CARMIL1: variants seen among roughly 807,000 people sequenced by gnomAD.
CARMIL1 encodes the protein capping protein regulator and myosin 1 linker 1.
CARMIL1 carries 90 observed loss-of-function variants against 177.1 expected under a neutral mutation model. The ratio of observed to expected loss-of-function variants is 0.51; its 90% CI spans 0.43 to 0.61. The LOEUF (loss-of-function observed/expected upper bound fraction) is 0.61. Ranked by LOEUF, CARMIL1 falls within the 20% of genes least tolerant of loss-of-function variation. The probability of loss-of-function intolerance (pLI) is 0.00; values close to 1 mark genes in which losing one functional copy is unlikely to be tolerated. For synonymous variants in CARMIL1, 577 were observed against 606.2 expected (o/e 0.95, Z 0.71); for missense variants, 1,380 against 1,667.0 (o/e 0.83, Z 3.00).
chr6:25,533,043 AAG>A (rs1403739475), intron 24 of CARMIL1, among the ~76,000 whole-genome samples: 4 of 152,270 alleles, frequency 2.6e-5, no homozygotes, highest in African/African-American at 9.6e-5. Context: ...GAAGGAGGGA[AAG>A]AGAGAGAGAA....
chr6:25,299,387 G>C (rs1782676665), intron 2 of CARMIL1, among the ~76,000 whole-genome samples: 1 of 151,090 alleles, frequency 6.6e-6, no homozygotes, highest in Admixed American at 6.6e-5. Context: ...GGCCAGGCTG[G>C]TCTCAAAGTC....
At chr6:25,393,896 A>G (rs1004141077) in intron 2 of CARMIL1, among the ~76,000 whole-genome samples, 1 of 152,108 alleles carries the variant, frequency 6.6e-6, no homozygotes, top group Non-Finnish European at 1.5e-5. Flanking sequence ...TGTTGTTGCT[A>G]TTGTTATTGA....
chr6:25,605,299 G>A (rs1053128564), intron 34 of CARMIL1, among the ~76,000 whole-genome samples: 7 of 152,256 alleles, frequency 4.6e-5, no homozygotes, highest in Admixed American at 1.3e-4. Flanking sequence ...AATATGCTTC[G>A]CTTGCAGCTT....
At position 25,279,609 on chromosome 6, in the gene CARMIL1, CTCTT is replaced by C. The variant is rs1780907732; in HGVS notation, c.-185_-182del. The C allele has an allele frequency of 1.7e-6, 1 of 571,746 alleles. No individual in the cohort carries two copies. The highest frequency in any genetic ancestry group is 3.0e-5 in the East Asian group (1 of 33,736). 35.4% of individuals were successfully genotyped at this position (571,746 alleles called of 1,614,324 possible). A position where few individuals can be genotyped will look rare whatever the true frequency, so the allele number is the denominator to read the frequency against. ...CAGCAAATCCGCCTCGCATTTGCAA[CTCTT>C]TTTTTTTTTTTTGGTGGGGCGGGGG... On this transcript the variant is annotated 5_prime_UTR_variant, in exon 1 of 37. Transcript: ENST00000329474.
At chr6:25,539,849 C>T (rs1488215769) in intron 25 of CARMIL1, 98 bp from the exon 26 acceptor site, 9 of 913,622 alleles carry the variant, frequency 9.9e-6, no homozygotes, top group African/African-American at 6.9e-5. Context: ...AGAGATTATC[C>T]CTAACAGTAT....
At chr6:25,425,504 G>GT (rs1366563791) in intron 3 of CARMIL1, among the ~76,000 whole-genome samples, 1 of 151,998 alleles carries the variant, frequency 6.6e-6, no homozygotes, top group Non-Finnish European at 1.5e-5. Flanking sequence ...TTCTGGATGT[G>GT]TTTTTTTATC....
At chr6:25,311,010 A>G (rs940015872) in intron 2 of CARMIL1, among the ~76,000 whole-genome samples, 2 of 148,506 alleles carry the variant, frequency 1.3e-5, no homozygotes, top group African/African-American at 2.6e-5. Flanking sequence ...GTGAAATTCC[A>G]TCTCTACTAA....
chr6:25,405,808 T>C (rs79794948), intron 2 of CARMIL1, among the ~76,000 whole-genome samples: 7,886 of 152,268 alleles, frequency 0.052, 277 homozygotes, highest in Non-Finnish European at 0.087. Flanking sequence ...CCTTATAGGA[T>C]ATGGCTATTA....
At chr6:25,421,870 T>G (rs1581884919) in intron 3 of CARMIL1, among the ~76,000 whole-genome samples, 1 of 71,272 alleles carries the variant, frequency 1.4e-5, no homozygotes, top group East Asian at 4.9e-4. Flanking sequence ...GGGACTGTTG[T>G]GGGGTGGGGG....
intron 2 of CARMIL1, among the ~76,000 whole-genome samples, chr6:25,376,311 C>T (rs1430210887): frequency 1.3e-5 from 2 of 152,178 alleles, no homozygotes. Context: ...AACTTCCTAC[C>T]TCAGGTGATC....
chr6:25,361,739 G>C (rs1481107295), intron 2 of CARMIL1, among the ~76,000 whole-genome samples: 4 of 152,066 alleles, frequency 2.6e-5, no homozygotes, highest in Non-Finnish European at 5.9e-5. Context: ...ATGTAATAAG[G>C]GTTAAATAAG....
chr6:25,495,134 C>A lies in CARMIL1; in HGVS notation c.1244C>A (p.Ser415Tyr), dbSNP rs370215465. The A allele has an allele frequency of 3.2e-4, 515 of 1,612,792 alleles. No individual in the cohort carries two copies. Among genetic ancestry groups the A allele is most frequent in the Admixed American group, 1.1e-3 (64 of 59,872 alleles). ...AGGAAAGGAAAAGAAGTACCTCCAT[C>A]TTTCAAGCAATTTTTTAGTAGTTCT... ...SHRKGKEVPP[S>Y]FKQFFSSSLA... Residue 415 changes from serine to tyrosine, a missense_variant, in exon 16 of 37, where the codon TCT becomes TAT. Ser to Tyr is a moderately radical substitution (Grantham distance 144). Coordinates refer to ENST00000329474, the MANE Select transcript of CARMIL1 (RefSeq NM_017640.6).
intron 2 of CARMIL1, among the ~76,000 whole-genome samples, chr6:25,332,997 G>C (rs1280837103): frequency 2.0e-5 from 3 of 152,102 alleles, no homozygotes; most frequent in Admixed American, 6.6e-5. Context: ...GAAGAGAGAG[G>C]CTCTCTTTTT....
chr6:25,392,653 G>C (rs923875571), intron 2 of CARMIL1, among the ~76,000 whole-genome samples: 3 of 152,134 alleles, frequency 2.0e-5, no homozygotes, highest in South Asian at 4.1e-4. Flanking sequence ...TGGATGTCAT[G>C]CTAGATACAT....
At chr6:25,562,806 A>G (rs902698087) in intron 29 of CARMIL1, among the ~76,000 whole-genome samples, 1 of 152,134 alleles carries the variant, frequency 6.6e-6, no homozygotes, top group Non-Finnish European at 1.5e-5. Flanking sequence ...ACATGAACCA[A>G]TTGTGACTAG....
intron 8 of CARMIL1, among the ~76,000 whole-genome samples, chr6:25,453,575 T>C (rs1222641111): frequency 6.6e-6 from 1 of 152,238 alleles, no homozygotes; most frequent in Non-Finnish European, 1.5e-5. Context: ...TGTTTACTGC[T>C]TCACTGAGGA....
chr6:25,304,871 A>T (rs1783141822), intron 2 of CARMIL1, among the ~76,000 whole-genome samples: 1 of 152,174 alleles, frequency 6.6e-6, no homozygotes, highest in Non-Finnish European at 1.5e-5. Context: ...AGCATTTGGT[A>T]AGGATAGTTG....
chr6:25,312,011 A>G (rs1783859056), intron 2 of CARMIL1, among the ~76,000 whole-genome samples: 1 of 152,254 alleles, frequency 6.6e-6, no homozygotes, highest in Non-Finnish European at 1.5e-5. Context: ...GTGGGAGGCA[A>G]CGATTACAAC....
chr6:25,378,882 TGG>T (rs1289447280), intron 2 of CARMIL1, among the ~76,000 whole-genome samples: 4 of 119,834 alleles, frequency 3.3e-5, no homozygotes, highest in African/African-American at 1.4e-4. Context: ...TCCACTCTCT[TGG>T]GGATTAAAAA....
Sources: gnomAD v4.1 joint callset for allele counts (sites outside exome capture counted in the v4.1 genomes callset) on GRCh38, gnomAD v4.1.1 for gene constraint, MANE v1.5 for transcripts, NCBI Gene and HGNC (gene_info 2026-07-23, HGNC 2026-07-21) for gene names.